Variants in TAFA5 observed in about 807,000 individuals in gnomAD.
The protein encoded by TAFA5 is TAFA chemokine like family member 5, also known as chemokine-like protein TAFA-5.
TAFA5 carries 6 observed loss-of-function variants against 15.3 expected under a neutral mutation model. The ratio of observed to expected loss-of-function variants is 0.39; its 90% CI spans 0.21 to 0.77. TAFA5 has a LOEUF of 0.77. Ranked by LOEUF, TAFA5 falls within the 30% of genes least tolerant of loss-of-function variation. The pLI, the probability that TAFA5 is intolerant of heterozygous loss-of-function variation, is 0.41. For missense variants in TAFA5, 161 were observed against 193.1 expected (o/e 0.83, Z 0.98); for synonymous variants, 103 against 80.7 (o/e 1.28, Z -1.48).
chr22:48,575,733 TG>T, intron 1 of TAFA5, among the ~76,000 whole-genome samples: 1 of 140,838 alleles, frequency 7.1e-6, no homozygotes, highest in Non-Finnish European at 1.6e-5. Context: ...CACCGTCCGG[TG>T]GGGACCGGCC....
chr22:48,503,281 C>T (rs1352591335), intron 1 of TAFA5, among the ~76,000 whole-genome samples: 16 of 152,216 alleles, frequency 1.1e-4, no homozygotes, highest in Admixed American at 1.0e-3. Flanking sequence ...TTGCTGAACA[C>T]GTGAGTTGTG....
At chr22:48,511,189 GCTT>G (rs753704253) in intron 1 of TAFA5, among the ~76,000 whole-genome samples, 1 of 152,190 alleles carries the variant, frequency 6.6e-6, no homozygotes, top group Non-Finnish European at 1.5e-5. Context: ...CTCCCCTGTC[GCTT>G]CTTCTTCATG....
intron 2 of TAFA5, among the ~76,000 whole-genome samples, chr22:48,700,869 C>T (rs537299605): frequency 1.3e-5 from 2 of 152,302 alleles, no homozygotes; most frequent in East Asian, 3.9e-4. Flanking sequence ...AATGTCCGAT[C>T]CCACGTAACA....
At chr22:48,637,570 G>A (rs1163415307) in intron 1 of TAFA5, among the ~76,000 whole-genome samples, 1 of 152,164 alleles carries the variant, frequency 6.6e-6, no homozygotes, top group Non-Finnish European at 1.5e-5. Flanking sequence ...TTACCCCTGT[G>A]GTCATGAGGC....
At chr22:48,741,671 G>A (rs1450400586) in intron 3 of TAFA5, among the ~76,000 whole-genome samples, 1 of 151,956 alleles carries the variant, frequency 6.6e-6, no homozygotes, top group Non-Finnish European at 1.5e-5. Flanking sequence ...CACACACAGG[G>A]CTGAGCCTGT....
At chr22:48,666,092 G>C (rs2147218020) in intron 2 of TAFA5, among the ~76,000 whole-genome samples, 1 of 152,334 alleles carries the variant, frequency 6.6e-6, no homozygotes, top group African/African-American at 2.4e-5. Context: ...TGGCAGAAGA[G>C]GGGCCTGGTG....
chr22:48,621,080 C>G, intron 1 of TAFA5, among the ~76,000 whole-genome samples: 1 of 92,752 alleles, frequency 1.1e-5, no homozygotes, highest in Non-Finnish European at 2.2e-5. Context: ...CATCCATCCA[C>G]CCACCCACCC....
chr22:48,679,245 G>A (rs1483236616), intron 2 of TAFA5, among the ~76,000 whole-genome samples: 1 of 89,268 alleles, frequency 1.1e-5, no homozygotes, highest in African/African-American at 5.1e-5. Flanking sequence ...CCAGCTCCCC[G>A]TCCATCCCTC....
At chr22:48,510,171 A>G (rs2147100935) in intron 1 of TAFA5, among the ~76,000 whole-genome samples, 1 of 152,314 alleles carries the variant, frequency 6.6e-6, no homozygotes, top group Non-Finnish European at 1.5e-5. Context: ...AGCACAGTCA[A>G]CAAAAGCAAT....
intron 1 of TAFA5, among the ~76,000 whole-genome samples, chr22:48,492,752 C>T (rs1248413083): frequency 2.0e-5 from 3 of 152,154 alleles, no homozygotes; most frequent in Non-Finnish European, 2.9e-5. Flanking sequence ...TGGTTTCCTC[C>T]GCGGCCGGTG....
intron 1 of TAFA5, among the ~76,000 whole-genome samples, chr22:48,642,048 A>T (rs1926701040): frequency 6.6e-6 from 1 of 151,436 alleles, no homozygotes; most frequent in Non-Finnish European, 1.5e-5. Context: ...CAGCATGCTG[A>T]GGGGGGCAGC....
chr22:48,719,735 C>T (rs1160915143), intron 3 of TAFA5, among the ~76,000 whole-genome samples: 1 of 152,246 alleles, frequency 6.6e-6, no homozygotes, highest in Admixed American at 6.5e-5. Flanking sequence ...CATTACTCTG[C>T]TCCCTGTCTG....
chr22:48,605,449 G>GA (rs1925156951), intron 1 of TAFA5, among the ~76,000 whole-genome samples: 1 of 149,882 alleles, frequency 6.7e-6, no homozygotes, highest in African/African-American at 2.5e-5. Flanking sequence ...TGGTGGTGAT[G>GA]GCAATGGTGA....
chr22:48,676,507 C>T (rs1320522562), intron 2 of TAFA5, among the ~76,000 whole-genome samples: 3 of 152,236 alleles, frequency 2.0e-5, no homozygotes, highest in Non-Finnish European at 4.4e-5. Flanking sequence ...GGGTGATTCT[C>T]CCAGGTATGC....
intron 2 of TAFA5, among the ~76,000 whole-genome samples, chr22:48,666,698 G>A (rs1051222178): frequency 2.0e-5 from 3 of 152,196 alleles, no homozygotes; most frequent in Admixed American, 1.3e-4. Context: ...GCGTCACACC[G>A]GCTAGTTCCA....
chr22:48,727,083 C>T lies in TAFA5; in HGVS notation c.390+19239C>T, dbSNP rs184841823. Among the ~76,000 whole-genome samples the T allele has an allele frequency of 3.1e-4, 47 of 152,268 alleles. No homozygotes were observed. The Middle Eastern group carries it at 0.01, about 33-fold the overall frequency. ...TTCCTGAACAAGTGAGGAAAAGATGCACTCAAGTCAATCAGGAAAGAAAGA... is the reference window on the plus strand; with the variant it reads ...TTCCTGAACAAGTGAGGAAAAGATGTACTCAAGTCAATCAGGAAAGAAAGA... On this transcript the variant is annotated intron_variant, in intron 3 of 3. Transcript: ENST00000402357.
At chr22:48,621,188 C>T (rs994117916) in intron 1 of TAFA5, among the ~76,000 whole-genome samples, 17 of 87,834 alleles carry the variant, frequency 1.9e-4, no homozygotes, top group Non-Finnish European at 3.6e-4. Context: ...TCCACCCCCC[C>T]ACCCACACTA....
At chr22:48,657,833 C>G (rs1423489847) in intron 2 of TAFA5, among the ~76,000 whole-genome samples, 2 of 152,180 alleles carry the variant, frequency 1.3e-5, no homozygotes, top group African/African-American at 2.4e-5. Context: ...AGCCAGTGAA[C>G]CAGCAGGCCT....
At chr22:48,697,238 A>G (rs1928739387) in intron 2 of TAFA5, among the ~76,000 whole-genome samples, 1 of 152,194 alleles carries the variant, frequency 6.6e-6, no homozygotes, top group Non-Finnish European at 1.5e-5. Flanking sequence ...GCCTTCACCT[A>G]GAATTGCCAT....
Sources: allele counts gnomAD v4.1 joint callset (sites outside exome capture counted in the v4.1 genomes callset), GRCh38; gene constraint gnomAD v4.1.1; transcripts MANE v1.5; gene names NCBI Gene and HGNC (gene_info 2026-07-23, HGNC 2026-07-21).